The following LRP1B variants were observed in gnomAD, a reference collection of about 807,000 sequenced individuals.
LRP1B encodes LDL receptor related protein 1B, also known as low-density lipoprotein receptor-related protein 1B.
LRP1B carries 217 observed loss-of-function variants against 556.6 expected under a neutral mutation model. That is an observed-to-expected ratio of 0.39 (90% CI 0.35 to 0.44). LRP1B has a LOEUF of 0.44. Among genes scored for constraint, LRP1B ranks in the 20% least tolerant of loss-of-function variants. The pLI is 1.00. For synonymous variants in LRP1B, 2,047 were observed against 1,865.8 expected (o/e 1.10, Z -2.50); for missense variants, 5,053 against 5,620.8 (o/e 0.90, Z 3.23).
chr2:142,069,466 C>A (rs1705231875), intron 1 of LRP1B, among the ~76,000 whole-genome samples: 1 of 129,540 alleles, frequency 7.7e-6, no homozygotes, highest in Non-Finnish European at 1.7e-5. Flanking sequence ...TCCAAAGAGA[C>A]CTGACCAACA....
chr2:141,057,038 A>G (rs937846607), intron 9 of LRP1B, among the ~76,000 whole-genome samples: 2 of 151,770 alleles, frequency 1.3e-5, no homozygotes, highest in Non-Finnish European at 2.9e-5. Context: ...ATATTTGCCT[A>G]TATTCTGAAT....
chr2:140,974,594 A>C (rs1363590723), intron 18 of LRP1B, among the ~76,000 whole-genome samples: 1 of 152,118 alleles, frequency 6.6e-6, no homozygotes, highest in Non-Finnish European at 1.5e-5. Flanking sequence ...TTAATAGGAG[A>C]TTAGAAGGGA....
intron 2 of LRP1B, among the ~76,000 whole-genome samples, chr2:141,734,875 C>T (rs1270356696): frequency 1.3e-5 from 2 of 152,016 alleles, no homozygotes; most frequent in Non-Finnish European, 2.9e-5. Flanking sequence ...CAACTGGAGC[C>T]GTTTGAAAAG....
At chr2:141,359,058 T>C (rs1235966379) in intron 3 of LRP1B, among the ~76,000 whole-genome samples, 5 of 152,068 alleles carry the variant, frequency 3.3e-5, no homozygotes, top group African/African-American at 9.7e-5. Context: ...AACAAATCTA[T>C]GATTACAATC....
rs147750095 is a variant in LRP1B, at chr2:140,792,219, G to A, written c.5360-15981C>T. Among the ~76,000 whole-genome samples the A allele has an allele frequency of 2.3e-3, 355 of 151,846 alleles. 2 individuals are homozygous for A. The highest frequency in any genetic ancestry group is 7.6e-3 in the African/African-American group (314 of 41,400). On this transcript the variant is annotated intron_variant, in intron 32 of 90. Transcript: ENST00000389484. Reference sequence around the variant, plus strand: ...CTTCTTTGATATTTCCTTCTTTTCTGTGAATTCTATACACATAAAATATTA... The same window carrying A: ...CTTCTTTGATATTTCCTTCTTTTCTATGAATTCTATACACATAAAATATTA...
intron 7 of LRP1B, among the ~76,000 whole-genome samples, chr2:141,092,276 T>C (rs1700188620): frequency 6.6e-6 from 1 of 152,198 alleles, no homozygotes; most frequent in African/African-American, 2.4e-5. Flanking sequence ...GGACACTGTA[T>C]ATTTTGAAGT....
In LRP1B at chr2:141,707,093, G is replaced by A. The variant is rs564836450; in HGVS notation, c.205+103186C>T. Among the ~76,000 whole-genome samples the A allele has an allele frequency of 5.3e-5, 8 of 152,112 alleles. No individual in the cohort carries two copies. In the South Asian group the frequency reaches 1.0e-3, roughly 20 times the overall value. On this transcript the variant is annotated intron_variant, in intron 2 of 90. Transcript: ENST00000389484. ...AGTTTTAGGTCTCTGAATGTCTACC[G>A]GCATTAGGAAAATCAGTGTAATTTA...
At chr2:140,301,497 A>T (rs1362316254) in intron 83 of LRP1B, among the ~76,000 whole-genome samples, 1 of 152,122 alleles carries the variant, frequency 6.6e-6, no homozygotes, top group Non-Finnish European at 1.5e-5. Flanking sequence ...AAAGGCAGTT[A>T]TACTCTCTGC....
chr2:140,772,823 G>C (rs1434289082), intron 33 of LRP1B, among the ~76,000 whole-genome samples: 1 of 151,978 alleles, frequency 6.6e-6, no homozygotes, highest in East Asian at 1.9e-4. Context: ...GGGAATTGAA[G>C]AGGCTAGGCA....
At chr2:141,713,881 G>T (rs189865714) in intron 2 of LRP1B, among the ~76,000 whole-genome samples, 1 of 152,086 alleles carries the variant, frequency 6.6e-6, no homozygotes, top group South Asian at 2.1e-4. Flanking sequence ...ATCACACACC[G>T]CGTCTTTTTC....
chr2:140,278,631 AAAAG>A (rs1189064715), intron 84 of LRP1B, among the ~76,000 whole-genome samples: 1 of 152,024 alleles, frequency 6.6e-6, no homozygotes, highest in Non-Finnish European at 1.5e-5. Context: ...CCAAGACTGT[AAAAG>A]AAAGGTTTGC....
intron 7 of LRP1B, among the ~76,000 whole-genome samples, chr2:141,085,398 A>G (rs1558850189): frequency 1.3e-5 from 2 of 152,188 alleles, no homozygotes; most frequent in Non-Finnish European, 2.9e-5. Flanking sequence ...TAAAGAGGAA[A>G]TAGTTAAAAT....
intron 3 of LRP1B, among the ~76,000 whole-genome samples, chr2:141,327,907 C>T (rs1029069858): frequency 5.8e-5 from 8 of 138,050 alleles, no homozygotes; most frequent in Non-Finnish European, 1.1e-4. Flanking sequence ...AGAGACAGAC[C>T]GACCGACCTA....
intron 3 of LRP1B, among the ~76,000 whole-genome samples, chr2:141,305,283 T>A (rs1054176274): frequency 6.6e-6 from 1 of 152,204 alleles, no homozygotes; most frequent in Non-Finnish European, 1.5e-5. Context: ...TAGTTTTCCT[T>A]GTAGAGGTCT....
At chr2:141,909,488 G>A (rs908055152) in intron 1 of LRP1B, among the ~76,000 whole-genome samples, 1 of 147,884 alleles carries the variant, frequency 6.8e-6, no homozygotes, top group Non-Finnish European at 1.5e-5. Context: ...AACTGGTTCA[G>A]GCATCTGGGT....
chr2:140,311,419 A>G (rs1684295887), intron 83 of LRP1B, among the ~76,000 whole-genome samples: 1 of 151,866 alleles, frequency 6.6e-6, no homozygotes, highest in Admixed American at 6.6e-5. Flanking sequence ...CTTGAGCAAA[A>G]CATCTCAGAA....
chr2:141,927,929 G>GA (rs1196614232), intron 1 of LRP1B, among the ~76,000 whole-genome samples: 2 of 129,962 alleles, frequency 1.5e-5, no homozygotes, highest in African/African-American at 3.1e-5. Context: ...AAGAAAGAAA[G>GA]AAAGAAAAAA....
At chr2:141,076,556 A>G (rs1222249626) in intron 7 of LRP1B, among the ~76,000 whole-genome samples, 1 of 152,198 alleles carries the variant, frequency 6.6e-6, no homozygotes, top group Admixed American at 6.5e-5. Flanking sequence ...TTCATTTACT[A>G]TTTGATCCAG....
chr2:140,385,204 C>T (rs1683705418), intron 67 of LRP1B, among the ~76,000 whole-genome samples: 1 of 152,104 alleles, frequency 6.6e-6, no homozygotes, highest in African/African-American at 2.4e-5. Context: ...ATGATCATGC[C>T]ACTGCTCTCC....
Sources: allele counts gnomAD v4.1 joint callset (sites outside exome capture counted in the v4.1 genomes callset), GRCh38; gene constraint gnomAD v4.1.1; transcripts MANE v1.5; gene names NCBI Gene and HGNC (gene_info 2026-07-23, HGNC 2026-07-21).